TEAD4: variants seen among roughly 807,000 people sequenced by gnomAD.
TEAD4 encodes the protein transcriptional enhancer factor TEF-3.
In TEAD4, 36 loss-of-function variants were observed where a neutral mutation model predicts 52.4. The ratio of observed to expected loss-of-function variants is 0.69; its 90% CI spans 0.53 to 0.91. The LOEUF (loss-of-function observed/expected upper bound fraction) is 0.91, where lower values mean the gene tolerates loss of function less well. Ranked by LOEUF, TEAD4 falls within the 40% of genes least tolerant of loss-of-function variation. The probability of loss-of-function intolerance (pLI) is 0.00; values close to 1 mark genes in which losing one functional copy is unlikely to be tolerated. For missense variants in TEAD4, 508 were observed against 583.9 expected, an observed-to-expected ratio of 0.87 and a Z score of 1.34; for synonymous variants, 220 against 231.0, an observed-to-expected ratio of 0.95 and a Z score of 0.43.
At chr12:2,977,983 A>T (rs946771352) in intron 2 of TEAD4, among the ~76,000 whole-genome samples, 3 of 151,888 alleles carry the variant, frequency 2.0e-5, no homozygotes, top group African/African-American at 7.3e-5. Context: ...AACCAAATCC[A>T]TTTCTCTGCT....
intron 11 of TEAD4, among the ~76,000 whole-genome samples, chr12:3,039,750 C>CGT (rs2098281546): frequency 6.6e-6 from 1 of 152,206 alleles, no homozygotes; most frequent in African/African-American, 2.4e-5. Flanking sequence ...TGCAGTGGTA[C>CGT]GATCTCAGCT....
chr12:3,019,578 C>G (rs2098267190), intron 8 of TEAD4, among the ~76,000 whole-genome samples: 1 of 152,190 alleles, frequency 6.6e-6, no homozygotes, highest in African/African-American at 2.4e-5. Context: ...AAGAGGGACC[C>G]TTGTGGGAGA....
chr12:3,020,809 C>T (rs746100593), intron 9 of TEAD4, 36 bp downstream of exon 9: 1 of 1,514,312 alleles, frequency 6.6e-7, no homozygotes, highest in Non-Finnish European at 8.9e-7. Context: ...GCTCCCTGGT[C>T]ACCCCCTCTC....
intron 2 of TEAD4, among the ~76,000 whole-genome samples, chr12:2,971,265 G>GT (rs1161719906): frequency 6.6e-6 from 1 of 152,128 alleles, no homozygotes; most frequent in Non-Finnish European, 1.5e-5. Flanking sequence ...GGAGGAGGCA[G>GT]TTGAGCTGGC....
intron 3 of TEAD4, among the ~76,000 whole-genome samples, chr12:3,008,371 T>C (rs1234725065): frequency 6.6e-6 from 1 of 151,780 alleles, no homozygotes; most frequent in East Asian, 1.9e-4. Flanking sequence ...CAGCAAGAAG[T>C]TTAGGATGGA....
intron 2 of TEAD4, among the ~76,000 whole-genome samples, chr12:2,976,498 C>T (rs1443924635): frequency 6.6e-6 from 1 of 152,174 alleles, no homozygotes; most frequent in Admixed American, 6.5e-5. Context: ...TTTCCAGGGG[C>T]CTCTGGGCCG....
rs187069286 is a variant in TEAD4 at position 3,029,504 on chromosome 12, C to G, written c.897+7487C>G. On this transcript the variant is annotated intron_variant, in intron 10 of 12. Transcript: ENST00000359864. ...CCACCAGCCTCGGCCTCCCAAAGTG[C>G]TGGGATTACAGGCGTGAGCCACCGC... Among the ~76,000 whole-genome samples the G allele has an allele frequency of 4.7e-3, 714 of 152,264 alleles. 7 individuals are homozygous for G. Among genetic ancestry groups the G allele is most frequent in the African/African-American group, 0.016 (684 of 41,580 alleles).
intron 2 of TEAD4, among the ~76,000 whole-genome samples, chr12:2,983,901 G>A (rs1191053120): frequency 6.6e-6 from 1 of 152,246 alleles, no homozygotes; most frequent in Non-Finnish European, 1.5e-5. Context: ...AAAGTGTGGT[G>A]GAGACCAGTC....
intron 2 of TEAD4, among the ~76,000 whole-genome samples, chr12:2,964,038 G>A (rs2098218103): frequency 6.6e-6 from 1 of 152,168 alleles, no homozygotes; most frequent in Admixed American, 6.5e-5. Flanking sequence ...ATCCGGTAGA[G>A]GGTTGGGGGC....
chr12:3,014,507 A>G (rs2098262808), intron 5 of TEAD4, among the ~76,000 whole-genome samples: 1 of 152,250 alleles, frequency 6.6e-6, no homozygotes, highest in Non-Finnish European at 1.5e-5. Context: ...CAAAGGATCT[A>G]GAACCCAAAG....
chr12:3,020,562 G>T, intron 8 of TEAD4, 72 bp from the exon 9 acceptor site: 2 of 1,445,374 alleles, frequency 1.4e-6, no homozygotes, highest in Non-Finnish European at 1.8e-6. Context: ...GGAGGCCTGG[G>T]GTCCTTGCAG....
At chr12:2,976,306 C>T (rs1382569020) in intron 2 of TEAD4, among the ~76,000 whole-genome samples, 5 of 151,720 alleles carry the variant, frequency 3.3e-5, no homozygotes, top group Non-Finnish European at 7.4e-5. Context: ...ACCTCCACAC[C>T]TGGCCATCTC....
intron 3 of TEAD4, among the ~76,000 whole-genome samples, chr12:2,999,556 C>T (rs527448732): frequency 3.9e-5 from 6 of 152,326 alleles, no homozygotes; most frequent in East Asian, 1.9e-4. Flanking sequence ...GAGTCTCCCA[C>T]GCTTGTTGGC....
intron 10 of TEAD4, among the ~76,000 whole-genome samples, chr12:3,031,065 G>T (rs2098275192): frequency 6.6e-6 from 1 of 152,200 alleles, no homozygotes; most frequent in Non-Finnish European, 1.5e-5. Context: ...TGGGAGGCAG[G>T]ATGCTGTCCA....
rs188327794 is a variant in TEAD4 at position 2,976,612 on chromosome 12, C to T, written c.-30+16572C>T. Among the ~76,000 whole-genome samples the T allele has an allele frequency of 6.2e-4, 94 of 152,356 alleles. 1 individual carries two copies. The highest frequency in any genetic ancestry group is 2.2e-3 in the African/African-American group (91 of 41,584). On this transcript the variant is annotated intron_variant, in intron 2 of 12. Transcript: ENST00000359864. ...TTCACCACTTGCCTTGACCCACTTC[C>T]TGCATGTGTTGGGTGGGGCCTGCAG...
chr12:3,034,986 A>C (rs958595011), intron 10 of TEAD4, among the ~76,000 whole-genome samples: 1 of 152,076 alleles, frequency 6.6e-6, no homozygotes, highest in Non-Finnish European at 1.5e-5. Flanking sequence ...CTGTAATCTC[A>C]GCTACTCAGG....
chr12:3,011,306 C>G (rs2098260137), intron 4 of TEAD4, among the ~76,000 whole-genome samples: 1 of 152,180 alleles, frequency 6.6e-6, no homozygotes, highest in South Asian at 2.1e-4. Flanking sequence ...TCTCGGCTCA[C>G]CGCAACCTTC....
intron 3 of TEAD4, among the ~76,000 whole-genome samples, chr12:3,008,655 T>G (rs1237444914): frequency 1.3e-5 from 2 of 152,164 alleles, no homozygotes; most frequent in Non-Finnish European, 1.5e-5. Context: ...GTATGAATTC[T>G]GGATATGTTT....
intron 10 of TEAD4, among the ~76,000 whole-genome samples, chr12:3,029,489 C>G (rs930215584): frequency 6.6e-6 from 1 of 152,114 alleles, no homozygotes; most frequent in East Asian, 1.9e-4. Flanking sequence ...CCACCAGCCT[C>G]GGCCTCCCAA....
Sources: gnomAD v4.1 joint callset for allele counts (sites outside exome capture counted in the v4.1 genomes callset) on GRCh38, gnomAD v4.1.1 for gene constraint, MANE v1.5 for transcripts, NCBI Gene and HGNC (gene_info 2026-07-23, HGNC 2026-07-21) for gene names.